MYCBP2: variants seen among roughly 807,000 people sequenced by gnomAD.
The protein encoded by MYCBP2 is MYC binding protein 2, also known as E3 ubiquitin-protein ligase MYCBP2.
Under a neutral mutation model 525.3 loss-of-function variants are expected in MYCBP2, and 120 were observed. The ratio of observed to expected loss-of-function variants is 0.23; its 90% CI spans 0.20 to 0.27. The LOEUF is 0.27. MYCBP2 is among the 10% of genes least tolerant of loss of function. The probability of loss-of-function intolerance (pLI) is 1.00; values close to 1 mark genes in which losing one functional copy is unlikely to be tolerated. For missense variants in MYCBP2, 4,149 were observed against 5,657.1 expected (o/e 0.73, Z 8.55); for synonymous variants, 1,894 against 1,955.8 (o/e 0.97, Z 0.83).
rs973396097 is a variant in MYCBP2, at chr13:77,152,524, CT to C, written c.6916-1576del. Among the ~76,000 whole-genome samples the C allele has an allele frequency of 2.4e-4, 37 of 152,246 alleles. 1 individual carries two copies. The highest frequency in any genetic ancestry group is 7.0e-4 in the African/African-American group (29 of 41,552). ...TCCTTGTATTCCGCCTAAATGTTGC[CT>C]TTTTGGCCAGCCCTGCCCCCCTACC... is the stretch of plus-strand genomic sequence containing the variant. On this transcript the variant is annotated intron_variant, in intron 46 of 82. Transcript: ENST00000544440.
At chr13:77,206,876 A>G in intron 23 of MYCBP2, 51 bp from the exon 24 acceptor site, 1 of 1,437,134 alleles carries the variant, frequency 7.0e-7, no homozygotes. Context: ...TTGTTTTTAA[A>G]AAAAATTCCT....
At chr13:77,209,141 A>G (rs1174817605) in intron 23 of MYCBP2, among the ~76,000 whole-genome samples, 1 of 152,204 alleles carries the variant, frequency 6.6e-6, no homozygotes, top group East Asian at 1.9e-4. Context: ...CTGTTTTCCA[A>G]CAATGGAGAA....
chr13:77,270,518 C>T lies in MYCBP2; in HGVS notation c.966G>A (p.Ser322=), dbSNP rs556866899. ...AAACTGCTTGTACACTTCTCTGTAG[C>T]GAATTTAGAATTGTTGGCACCTAAT... ...QTIQVPTILN[S]LQRSVQAVLV... is the part of the protein sequence containing the mutation. Residue 322 remains serine (S), a synonymous_variant, in exon 6 of 83, where the codon TCG becomes TCA. Transcript: ENST00000544440. 2.7e-5 allele frequency: 43 copies of T among 1,604,240 alleles called. No individual in the cohort carries two copies. In the South Asian group the frequency reaches 2.9e-4, roughly 11 times the overall value.
chr13:77,188,161 A>G (rs2060927205), intron 30 of MYCBP2, among the ~76,000 whole-genome samples: 1 of 152,074 alleles, frequency 6.6e-6, no homozygotes, highest in Non-Finnish European at 1.5e-5. Context: ...TGGGAGAAAA[A>G]TCTTTCATAT....
chr13:77,177,148 TA>T (rs58976857), intron 35 of MYCBP2, among the ~76,000 whole-genome samples: 12,605 of 126,728 alleles, frequency 0.099, 825 homozygotes, highest in African/African-American at 0.2. Context: ...AATGACAATA[TA>T]AAAAAAAAAA....
At chr13:77,240,173 T>C (rs1270913321) in intron 17 of MYCBP2, among the ~76,000 whole-genome samples, 1 of 152,190 alleles carries the variant, frequency 6.6e-6, no homozygotes, top group Non-Finnish European at 1.5e-5. Flanking sequence ...GATAAAATCA[T>C]AAAAGTGTCA....
At chr13:77,317,754 T>A (rs1373180805) in intron 1 of MYCBP2, among the ~76,000 whole-genome samples, 1 of 152,100 alleles carries the variant, frequency 6.6e-6, no homozygotes, top group Non-Finnish European at 1.5e-5. Context: ...CTGGTCCACA[T>A]GGTGAAACCC....
Position 77,261,380 on chromosome 13 carries a change from T to C in MYCBP2, c.1648-5A>G, listed in dbSNP as rs1255256278. On this transcript the variant is annotated splice_polypyrimidine_tract_variant and splice_region_variant and intron_variant, in intron 11 of 82. Coordinates refer to ENST00000544440, the MANE Select transcript of MYCBP2 (RefSeq NM_015057.5). ...GTATTTGCCAGTGTAATATATCTTA[T>C]GTATTAAAAAAAAAAAGGAATTATG... 3.3e-6 allele frequency: 5 copies of C among 1,510,852 alleles called. No individual in the cohort carries two copies. The highest frequency in any genetic ancestry group is 2.4e-5 in the South Asian group (2 of 85,032). 93.6% of individuals were successfully genotyped at this position (1,510,852 alleles called of 1,614,324 possible).
intron 40 of MYCBP2, among the ~76,000 whole-genome samples, chr13:77,167,025 A>C (rs9574007): frequency 0.032 from 3,655 of 112,934 alleles, 91 homozygotes; most frequent in East Asian, 0.15. Flanking sequence ...ACACACACAC[A>C]CCAAATGAAA....
intron 2 of MYCBP2, among the ~76,000 whole-genome samples, chr13:77,294,131 C>CATATAT: frequency 0.016 from 1,036 of 65,636 alleles, 33 homozygotes; most frequent in Middle Eastern, 0.087. Flanking sequence ...TATATATATA[C>CATATAT]ATATATATAT....
rs1311912312 is a variant in MYCBP2 at position 77,199,727 on chromosome 13, C to T, written c.3844-5483G>A. On this transcript the variant is annotated intron_variant, in intron 26 of 82. Transcript: ENST00000544440. ...GGCAGACTGCCTCCTCAAGTGGGTCCCTGACCCCTGACCCTCCAGCAGCCT... is the reference window on the plus strand; with the variant it reads ...GGCAGACTGCCTCCTCAAGTGGGTCTCTGACCCCTGACCCTCCAGCAGCCT... Among the ~76,000 whole-genome samples the T allele has an allele frequency of 4.6e-5, 7 of 152,214 alleles. No individual in the cohort carries two copies. The East Asian group carries it at 1.2e-3, about 25-fold the overall frequency.
chr13:77,309,478 T>C (rs1436612132), intron 1 of MYCBP2, among the ~76,000 whole-genome samples: 3 of 152,212 alleles, frequency 2.0e-5, no homozygotes, highest in Non-Finnish European at 4.4e-5. Flanking sequence ...AATGCATATC[T>C]GAAATCATAA....
At chr13:77,152,587 G>A (rs1335461719) in intron 46 of MYCBP2, among the ~76,000 whole-genome samples, 2 of 152,176 alleles carry the variant, frequency 1.3e-5, no homozygotes, top group African/African-American at 2.4e-5. Flanking sequence ...AGCTAGCAAA[G>A]AGACAAGTGG....
At chr13:77,233,376 G>A (rs897111105) in intron 17 of MYCBP2, 113 bp from the exon 18 acceptor site, 5 of 827,008 alleles carry the variant, frequency 6.0e-6, no homozygotes, top group Non-Finnish European at 9.4e-6. Flanking sequence ...AACGGTTTTG[G>A]ACATTATACT....
intron 55 of MYCBP2, among the ~76,000 whole-genome samples, chr13:77,116,007 T>G (rs1384971908): frequency 6.6e-6 from 1 of 151,844 alleles, no homozygotes; most frequent in Non-Finnish European, 1.5e-5. Context: ...AAATAGCCTT[T>G]GTAGTCAACA....
At chr13:77,153,064 C>CA (rs34811244) in intron 46 of MYCBP2, among the ~76,000 whole-genome samples, 2,810 of 78,440 alleles carry the variant, frequency 0.036, 61 homozygotes, top group African/African-American at 0.064. Context: ...GACTCTGTCT[C>CA]AAAAAAAAAA....
Position 77,178,053 on chromosome 13 carries a change from A to G in MYCBP2, c.5134-99T>C, listed in dbSNP as rs535927088. ...TCTAATAAAATAACCTTTATTTAAT[A>G]AGTGGATATAAACATTCCTAAAGGT... On this transcript the variant is annotated intron_variant, in intron 34 of 82. Coordinates refer to ENST00000544440, the MANE Select transcript of MYCBP2 (RefSeq NM_015057.5). The G allele has an allele frequency of 9.6e-5, 70 of 727,808 alleles. No individual in the cohort carries two copies. The South Asian group carries it at 1.1e-3, about 12-fold the overall frequency. The allele number at this position is 727,808 out of a possible 1,614,324, so 45.1% of individuals were successfully genotyped here.
At chr13:77,078,721 T>C in intron 66 of MYCBP2, 103 bp downstream of exon 66, 3 of 872,898 alleles carry the variant, frequency 3.4e-6, no homozygotes, top group Non-Finnish European at 3.8e-6. Context: ...TAATTCCCTA[T>C]AATACTTTGG....
intron 17 of MYCBP2, among the ~76,000 whole-genome samples, chr13:77,238,636 A>G (rs1247660487): frequency 6.6e-6 from 1 of 152,236 alleles, no homozygotes; most frequent in South Asian, 2.1e-4. Context: ...ATACCTAAAA[A>G]GATAAATTAA....
Sources: allele counts gnomAD v4.1 joint callset (sites outside exome capture counted in the v4.1 genomes callset), GRCh38; gene constraint gnomAD v4.1.1; transcripts MANE v1.5; gene names NCBI Gene and HGNC (gene_info 2026-07-23, HGNC 2026-07-21).